MMP16: variants seen among roughly 807,000 people sequenced by gnomAD.
MMP16 encodes matrix metallopeptidase 16.
A neutral mutation model predicts 67.8 loss-of-function variants in MMP16; 12 were observed. That is an observed-to-expected ratio of 0.18 (90% confidence interval 0.11 to 0.29). MMP16 has a LOEUF of 0.29. Among genes scored for constraint, MMP16 ranks in the 10% least tolerant of loss-of-function variants. The pLI, the probability that MMP16 is intolerant of heterozygous loss-of-function variation, is 1.00. For synonymous variants in MMP16, 249 were observed against 255.9 expected (o/e 0.97, Z 0.26); for missense variants, 475 against 765.7 (o/e 0.62, Z 4.48).
At chr8:88,080,896 T>C (rs1180323629) in intron 6 of MMP16, among the ~76,000 whole-genome samples, 1 of 152,078 alleles carries the variant, frequency 6.6e-6, no homozygotes, top group African/African-American at 2.4e-5. Flanking sequence ...AGGAACGTGA[T>C]TTATATGAAT....
At chr8:88,145,376 T>C in intron 4 of MMP16, among the ~76,000 whole-genome samples, 1 of 151,978 alleles carries the variant, frequency 6.6e-6, no homozygotes, top group East Asian at 1.9e-4. Flanking sequence ...TATAATCTTA[T>C]GGGAACATTA....
rs775481555 is a variant in MMP16 at position 88,167,905 on chromosome 8, A to G, written c.473T>C (p.Val158Ala). Reference sequence around the variant, plus strand: ...TGTCAGAGGAGTTACATTCTGCCACACATCAAAGGCACGGCGAATAGCTTT... The same window carrying G: ...TGTCAGAGGAGTTACATTCTGCCACGCATCAAAGGCACGGCGAATAGCTTT... ...TRKAIRRAFD[V>A]WQNVTPLTFE... Residue 158 changes from valine (V) to alanine (A), a missense_variant, in exon 4 of 10, where the codon GTG becomes GCG. By Grantham distance (64) the Val-to-Ala change is moderately conservative. This residue lies in a region of MMP16 where 170 missense variants were observed against 239.6 expected (regional missense o/e 0.71). Transcript: ENST00000286614. 1 of 1,614,028 alleles carries G rather than the reference A, an allele frequency of 6.2e-7. No homozygotes were observed. The highest frequency in any genetic ancestry group is 1.1e-5 in the South Asian group (1 of 91,076).
At chr8:88,243,746 G>A (rs777679227) in intron 1 of MMP16, among the ~76,000 whole-genome samples, 12 of 152,104 alleles carry the variant, frequency 7.9e-5, no homozygotes, top group Admixed American at 2.6e-4. Context: ...AGCAGGGATC[G>A]TTTGTGCTGC....
intron 4 of MMP16, among the ~76,000 whole-genome samples, chr8:88,156,167 T>C (rs1057170198): frequency 3.3e-5 from 5 of 152,156 alleles, no homozygotes; most frequent in African/African-American, 1.2e-4. Context: ...GAGAGGCTTT[T>C]TATAATATCT....
chr8:88,207,759 G>A (rs1485316960), intron 1 of MMP16, among the ~76,000 whole-genome samples: 5 of 151,826 alleles, frequency 3.3e-5, no homozygotes, highest in Non-Finnish European at 7.4e-5. Flanking sequence ...AGCTATGCCA[G>A]TAGGCATAAA....
intron 1 of MMP16, among the ~76,000 whole-genome samples, chr8:88,300,555 C>T (rs551874352): frequency 6.6e-6 from 1 of 152,250 alleles, no homozygotes; most frequent in Admixed American, 6.5e-5. Context: ...TCAAGAAACC[C>T]TTATTTTACT....
chr8:88,233,718 C>A (rs1809898903), intron 1 of MMP16, among the ~76,000 whole-genome samples: 1 of 152,170 alleles, frequency 6.6e-6, no homozygotes, highest in South Asian at 2.1e-4. Context: ...CTGCACAAAG[C>A]AAGACTGAAA....
rs192367577 is a variant in MMP16 at position 88,128,277 on chromosome 8, T to C, written c.710-9416A>G. ...GCATACACATTTGGACACCAGAAAC[T>C]TTTTTTATTTTACATTGAAAAAACT... On this transcript the variant is annotated intron_variant, in intron 4 of 9. Coordinates refer to ENST00000286614, the MANE Select transcript of MMP16 (RefSeq NM_005941.5). Among the ~76,000 whole-genome samples, 441 of 151,904 alleles carry C rather than the reference T, an allele frequency of 2.9e-3. 5 individuals are homozygous for C. Among genetic ancestry groups the C allele is most frequent in the African/African-American group, 0.01 (416 of 41,486 alleles).
chr8:88,110,718 TAAC>T (rs1172692849), intron 6 of MMP16, among the ~76,000 whole-genome samples: 1 of 151,694 alleles, frequency 6.6e-6, no homozygotes, highest in Non-Finnish European at 1.5e-5. Flanking sequence ...ATATGAATAA[TAAC>T]AACAAACTGT....
intron 4 of MMP16, among the ~76,000 whole-genome samples, chr8:88,148,617 C>G (rs1808336662): frequency 6.6e-6 from 1 of 152,174 alleles, no homozygotes; most frequent in South Asian, 2.1e-4. Context: ...ACACGCTCAC[C>G]ACTCAAAACT....
chr8:88,084,467 GA>G (rs1256085933), intron 6 of MMP16, among the ~76,000 whole-genome samples: 3 of 143,580 alleles, frequency 2.1e-5, no homozygotes, highest in Admixed American at 6.9e-5. Context: ...GAAAAAGGAG[GA>G]AAAAAAAAGA....
At chr8:88,222,368 A>G (rs1013501937) in intron 1 of MMP16, among the ~76,000 whole-genome samples, 1 of 152,304 alleles carries the variant, frequency 6.6e-6, no homozygotes, top group Non-Finnish European at 1.5e-5. Context: ...ATGGAACCAA[A>G]AAAGAGCCTG....
chr8:88,063,733 T>TCAG, intron 7 of MMP16, among the ~76,000 whole-genome samples: 1 of 152,170 alleles, frequency 6.6e-6, no homozygotes, highest in East Asian at 1.9e-4. Flanking sequence ...GCCTCTTGAT[T>TCAG]CAGTGCTTAT....
At chr8:88,293,924 T>C (rs1025343892) in intron 1 of MMP16, among the ~76,000 whole-genome samples, 1 of 151,992 alleles carries the variant, frequency 6.6e-6, no homozygotes, top group Non-Finnish European at 1.5e-5. Context: ...TCTAATTTGA[T>C]AAGAATGAAA....
At chr8:88,075,583 GAC>G (rs1342394012) in intron 6 of MMP16, among the ~76,000 whole-genome samples, 16 of 152,202 alleles carry the variant, frequency 1.1e-4, no homozygotes, top group African/African-American at 3.6e-4. Flanking sequence ...TACATCTGAT[GAC>G]ACTAAGTAGT....
chr8:88,108,247 T>C (rs1809275528), intron 6 of MMP16, among the ~76,000 whole-genome samples: 1 of 151,242 alleles, frequency 6.6e-6, no homozygotes, highest in Non-Finnish European at 1.5e-5. Flanking sequence ...CACATAAAAA[T>C]CAGCAACTCT....
intron 1 of MMP16, among the ~76,000 whole-genome samples, chr8:88,285,878 C>T (rs536307690): frequency 3.3e-5 from 5 of 152,228 alleles, no homozygotes; most frequent in South Asian, 4.1e-4. Context: ...TCAAATAAAA[C>T]GTTTTGCCAT....
intron 1 of MMP16, among the ~76,000 whole-genome samples, chr8:88,254,043 A>G (rs1810265906): frequency 6.6e-6 from 1 of 152,154 alleles, no homozygotes; most frequent in Admixed American, 6.6e-5. Flanking sequence ...CACAATAGCA[A>G]AGACATGGAA....
intron 6 of MMP16, among the ~76,000 whole-genome samples, chr8:88,088,982 G>A (rs1298972646): frequency 6.6e-6 from 1 of 152,008 alleles, no homozygotes; most frequent in Non-Finnish European, 1.5e-5. Context: ...ATGAAGCCTT[G>A]AACAATTATG....
Sources: gnomAD v4.1 joint callset for allele counts (sites outside exome capture counted in the v4.1 genomes callset) on GRCh38, gnomAD v4.1.1 for gene constraint, gnomAD v4.1.1 regional missense constraint, MANE v1.5 for transcripts, NCBI Gene and HGNC (gene_info 2026-07-23, HGNC 2026-07-21) for gene names.